BNC2: variants seen among roughly 807,000 people sequenced by gnomAD.
The protein encoded by BNC2 is basonuclin zinc finger protein 2.
A neutral mutation model predicts 76.3 loss-of-function variants in BNC2; 20 were observed. That is an observed-to-expected ratio of 0.26 (90% CI 0.18 to 0.38). BNC2 has a LOEUF of 0.38. Among genes scored for constraint, BNC2 ranks in the 10% least tolerant of loss-of-function variants. BNC2 has a pLI of 1.00. For synonymous variants in BNC2, 582 were observed against 514.8 expected (o/e 1.13, Z -1.77); for missense variants, 1,382 against 1,399.8 (o/e 0.99, Z 0.20).
chr9:16,462,903 C>A (rs1262610794), intron 5 of BNC2, among the ~76,000 whole-genome samples: 1 of 152,206 alleles, frequency 6.6e-6, no homozygotes, highest in Non-Finnish European at 1.5e-5. Flanking sequence ...TTCCCTTCAT[C>A]CAGGCTTGTT....
At chr9:16,865,504 A>G (rs1297883503) in intron 1 of BNC2, among the ~76,000 whole-genome samples, 1 of 152,208 alleles carries the variant, frequency 6.6e-6, no homozygotes, top group Non-Finnish European at 1.5e-5. Flanking sequence ...AGTGATTGCA[A>G]CTGTGAAATG....
At chr9:16,603,335 T>G (rs1037512300) in intron 3 of BNC2, among the ~76,000 whole-genome samples, 1 of 152,212 alleles carries the variant, frequency 6.6e-6, no homozygotes. Flanking sequence ...CAAGAAAACT[T>G]GTAACCAGTT....
At chr9:16,639,616 A>AG (rs566682780) in intron 3 of BNC2, among the ~76,000 whole-genome samples, 10 of 152,026 alleles carry the variant, frequency 6.6e-5, no homozygotes, top group Non-Finnish European at 1.5e-4. Context: ...GTGAAAACAC[A>AG]GGAAAAAAAA....
intron 1 of BNC2, among the ~76,000 whole-genome samples, chr9:16,743,931 T>C (rs1455981518): frequency 6.6e-6 from 1 of 151,082 alleles, no homozygotes; most frequent in Non-Finnish European, 1.5e-5. Context: ...CCTACCATCT[T>C]ATACTTTTAT....
At chr9:16,519,043 T>C (rs1043052576) in intron 5 of BNC2, among the ~76,000 whole-genome samples, 3 of 152,236 alleles carry the variant, frequency 2.0e-5, no homozygotes, top group African/African-American at 7.2e-5. Flanking sequence ...AATTGTCAGA[T>C]TAATTTTTAG....
intron 1 of BNC2, among the ~76,000 whole-genome samples, chr9:16,862,420 G>A (rs1329772674): frequency 6.6e-6 from 1 of 152,106 alleles, no homozygotes; most frequent in Admixed American, 6.5e-5. Context: ...ATTTGGAAAG[G>A]CACTTAGAAA....
chr9:16,765,150 GA>G (rs1392515953), intron 1 of BNC2, among the ~76,000 whole-genome samples: 4 of 152,124 alleles, frequency 2.6e-5, no homozygotes, highest in Non-Finnish European at 5.9e-5. Flanking sequence ...TAGTATTCTA[GA>G]CCCATTTGAG....
chr9:16,697,585 G>A (rs895780554), intron 3 of BNC2, among the ~76,000 whole-genome samples: 1 of 136,656 alleles, frequency 7.3e-6, no homozygotes, highest in Middle Eastern at 3.7e-3. Flanking sequence ...GCTGGGTATG[G>A]TGGCACATGC....
intron 5 of BNC2, among the ~76,000 whole-genome samples, chr9:16,463,271 T>A (rs1177618414): frequency 1.3e-5 from 2 of 151,558 alleles, no homozygotes; most frequent in Admixed American, 1.3e-4. Context: ...AATTTGCCAC[T>A]GTGAGCATAC....
intron 1 of BNC2, among the ~76,000 whole-genome samples, chr9:16,846,867 A>G (rs1203606254): frequency 1.3e-5 from 2 of 152,240 alleles, no homozygotes; most frequent in African/African-American, 4.8e-5. Context: ...GCACTAGGCC[A>G]TCAATTTCCA....
In BNC2 at chr9:16,678,267, C is replaced by CTTTTTTTTTTTTT. The variant is rs140809930; in HGVS notation, c.330+49517_330+49529dup. Among the ~76,000 whole-genome samples the CTTTTTTTTTTTTT allele has an allele frequency of 6.4e-4, 52 of 80,740 alleles. 4 individuals carry two copies. The highest frequency in any genetic ancestry group is 2.2e-3 in the African/African-American group (39 of 17,694). 53.0% of individuals were successfully genotyped at this position (80,740 alleles called of 152,430 possible). ...ACTTGTAACTGTTTTCTTTCTTTTTCTTTTTTTTTTTTTTTTTTTTTTTTT... is the reference window on the plus strand; with the variant it reads ...ACTTGTAACTGTTTTCTTTCTTTTTCTTTTTTTTTTTTTTTTTTTTTTTTTTTTTTTTTTTTTT... On this transcript the variant is annotated intron_variant, in intron 3 of 6. Transcript: ENST00000380672.
chr9:16,745,611 T>C (rs1824977983), intron 1 of BNC2, among the ~76,000 whole-genome samples: 1 of 152,178 alleles, frequency 6.6e-6, no homozygotes, highest in African/African-American at 2.4e-5. Context: ...CCTACAAGCA[T>C]CCATTAGCAT....
intron 5 of BNC2, among the ~76,000 whole-genome samples, chr9:16,464,623 G>C (rs1821664945): frequency 6.6e-6 from 1 of 151,924 alleles, no homozygotes; most frequent in South Asian, 2.1e-4. Flanking sequence ...AGAATATTTT[G>C]AAAGAACAGT....
rs1820471033 is a variant in BNC2 at position 16,411,968 on chromosome 9, C to T, written c.*7021G>A. Reference sequence around the variant, plus strand: ...GCACTTCATTTAGTCACTAACTAGTCACTTTCCAACCATCATTTGAGTATT... The same window carrying T: ...GCACTTCATTTAGTCACTAACTAGTTACTTTCCAACCATCATTTGAGTATT... On this transcript the variant is annotated 3_prime_UTR_variant, in exon 7 of 7. Transcript: ENST00000380672. 6.6e-6 allele frequency: 1 copy of T among 152,256 alleles called. No homozygotes were observed. The highest frequency in any genetic ancestry group is 2.1e-4 in the South Asian group (1 of 4,826). 9.4% of individuals were successfully genotyped at this position (152,256 alleles called of 1,614,324 possible). A position where few individuals can be genotyped will look rare whatever the true frequency, so the allele number is the denominator to read the frequency against.
intron 3 of BNC2, among the ~76,000 whole-genome samples, chr9:16,601,399 C>T (rs893641062): frequency 2.6e-5 from 4 of 152,132 alleles, no homozygotes; most frequent in Admixed American, 6.5e-5. Flanking sequence ...GAGATCTAAA[C>T]GAACAGACAC....
At chr9:16,840,682 T>C (rs531890251) in intron 1 of BNC2, among the ~76,000 whole-genome samples, 11 of 152,254 alleles carry the variant, frequency 7.2e-5, no homozygotes, top group African/African-American at 2.2e-4. Flanking sequence ...CTGGGTAAAA[T>C]TGGTATTCCT....
At chr9:16,861,205 T>TATATATATATA (rs1241413014) in intron 1 of BNC2, among the ~76,000 whole-genome samples, 13 of 141,526 alleles carry the variant, frequency 9.2e-5, no homozygotes, top group East Asian at 4.3e-4. Flanking sequence ...TATATATAAA[T>TATATATATATA]TAACCAGGCA....
intron 1 of BNC2, among the ~76,000 whole-genome samples, chr9:16,859,262 AC>A (rs1819337767): frequency 6.6e-6 from 1 of 152,164 alleles, no homozygotes; most frequent in African/African-American, 2.4e-5. Context: ...AGGAATGTAA[AC>A]GATGCTGCCC....
At chr9:16,692,473 G>T (rs1823202526) in intron 3 of BNC2, among the ~76,000 whole-genome samples, 3 of 152,142 alleles carry the variant, frequency 2.0e-5, no homozygotes, top group African/African-American at 7.2e-5. Context: ...TATTTATTGT[G>T]CAGGGTTGGC....
Sources: gnomAD v4.1 joint callset for allele counts (sites outside exome capture counted in the v4.1 genomes callset) on GRCh38, gnomAD v4.1.1 for gene constraint, MANE v1.5 for transcripts, NCBI Gene and HGNC (gene_info 2026-07-23, HGNC 2026-07-21) for gene names.